Variants in TSGA13 observed in about 807,000 individuals in gnomAD.
TSGA13 encodes the protein testis specific 13.
In TSGA13, 37 loss-of-function variants were observed where a neutral mutation model predicts 35.1. The ratio of observed to expected loss-of-function variants is 1.05; its 90% confidence interval spans 0.81 to 1.39. The LOEUF (loss-of-function observed/expected upper bound fraction) is 1.39, where lower values mean the gene tolerates loss of function less well. TSGA13 is among the 40% of genes most tolerant of loss of function. TSGA13 has a pLI of 0.00. For missense variants in TSGA13, 338 were observed against 328.5 expected (o/e 1.03, Z -0.22); for synonymous variants, 124 against 121.2 (o/e 1.02, Z -0.15).
rs930326730 is a variant in TSGA13, at chr7:130,668,830, C to T, written c.*184G>A. 11 of 1,280,932 alleles carry T rather than the reference C, an allele frequency of 8.6e-6. No homozygotes were observed. The highest frequency in any genetic ancestry group is 6.3e-5 in the African/African-American group (4 of 63,640). 79.3% of individuals were successfully genotyped at this position (1,280,932 alleles called of 1,614,324 possible). A position where few individuals can be genotyped will look rare whatever the true frequency, so the allele number is the denominator to read the frequency against. On this transcript the variant is annotated 3_prime_UTR_variant, in exon 8 of 8. Transcript: ENST00000356588. ...CCCGCCCTCCCCGGCCGCCCTCGGC[C>T]CCCGGGACGCAGCCACGCCCCCTTC...
At chr7:130,677,925 C>A (rs1796451000) in intron 5 of TSGA13, among the ~76,000 whole-genome samples, 1 of 152,202 alleles carries the variant, frequency 6.6e-6, no homozygotes, top group Non-Finnish European at 1.5e-5. Context: ...TAACATACCT[C>A]ATTTATTGAT....
intron 3 of TSGA13, among the ~76,000 whole-genome samples, chr7:130,682,004 A>G (rs1415109038): frequency 1.3e-5 from 2 of 151,842 alleles, no homozygotes; most frequent in Admixed American, 1.3e-4. Flanking sequence ...CATTGGTGCA[A>G]TCATAGGTCC....
At chr7:130,673,102 C>G (rs1345868952) in intron 5 of TSGA13, among the ~76,000 whole-genome samples, 1 of 152,202 alleles carries the variant, frequency 6.6e-6, no homozygotes, top group Non-Finnish European at 1.5e-5. Context: ...TGTTCAGTTT[C>G]CTAAGTAATT....
intron 4 of TSGA13, 136 bp downstream of exon 4, chr7:130,680,810 G>C (rs1796526697): frequency 1.3e-6 from 1 of 766,542 alleles, no homozygotes; most frequent in Non-Finnish European, 2.1e-6. Flanking sequence ...AGGCAGCTCT[G>C]CCTGCCTGTC....
chr7:130,674,497 A>G lies in TSGA13; in HGVS notation c.388-1621T>C, dbSNP rs116998793. ...AGCCTTCTTAACTACACTATCTAAC[A>G]TTGCCACTCACATCCATCACATTCC... is the stretch of plus-strand genomic sequence containing the variant. On this transcript the variant is annotated intron_variant, in intron 5 of 7. Coordinates refer to ENST00000356588, the MANE Select transcript of TSGA13 (RefSeq NM_052933.4). 4.3e-3 allele frequency among the ~76,000 whole-genome samples: 650 copies of G among 152,092 alleles called. 2 individuals are homozygous for G. The highest frequency in any genetic ancestry group is 6.7e-3 in the Non-Finnish European group (457 of 68,004).
chr7:130,669,169 C>T lies in TSGA13; in HGVS notation c.673G>A (p.Ala225Thr). 1 of 1,614,216 alleles carries T rather than the reference C, an allele frequency of 6.2e-7. No homozygotes were observed. Among genetic ancestry groups the T allele is most frequent in the African/African-American group, 1.3e-5 (1 of 75,054 alleles). Residue 225 changes from alanine (A) to threonine (T), a missense_variant, in exon 8 of 8, where the codon GCG becomes ACG. Physicochemically the swap from Ala to Thr is moderately conservative, Grantham distance 58 (BLOSUM62 0). Transcript: ENST00000356588. The part of the protein sequence containing the change: ...DMRKDASKKS[A>T]SERPISKVIR... Reference sequence around the variant, plus strand: ...ACTTTGGAAATTGGCCTTTCACTCGCTGACTTCTTGGAAGCTACGACAAAG... The same window carrying T: ...ACTTTGGAAATTGGCCTTTCACTCGTTGACTTCTTGGAAGCTACGACAAAG...
intron 2 of TSGA13, among the ~76,000 whole-genome samples, 173 bp downstream of exon 2, chr7:130,685,015 A>T (rs1487212521): frequency 4.6e-4 from 70 of 152,122 alleles, no homozygotes; most frequent in African/African-American, 1.6e-3. Flanking sequence ...TGACAAAAGC[A>T]ACCATGAAAT....
chr7:130,681,405 T>A (rs1796541936), intron 3 of TSGA13, among the ~76,000 whole-genome samples: 1 of 152,148 alleles, frequency 6.6e-6, no homozygotes, highest in African/African-American at 2.4e-5. Context: ...AAAATCAACA[T>A]GCAGGACAAA....
rs540983470 is a variant in TSGA13, at chr7:130,680,216, G to A, written c.174+730C>T. On this transcript the variant is annotated intron_variant, in intron 4 of 7. Coordinates refer to ENST00000356588, the MANE Select transcript of TSGA13 (RefSeq NM_052933.4). ...CACTCACAAGCACAATGTTAAAAAA[G>A]GAAAAGCAGGCCAGGTGCGGTGGCT... 6.6e-5 allele frequency among the ~76,000 whole-genome samples: 10 copies of A among 152,252 alleles called. No homozygotes were observed. The South Asian group carries it at 1.2e-3, about 19-fold the overall frequency.
chr7:130,674,652 C>T (rs1324372674), intron 5 of TSGA13, among the ~76,000 whole-genome samples: 1 of 152,188 alleles, frequency 6.6e-6, no homozygotes, highest in Non-Finnish European at 1.5e-5. Context: ...TAATATATCC[C>T]TAGCACCCGT....
intron 5 of TSGA13, among the ~76,000 whole-genome samples, chr7:130,678,207 T>G (rs1392155873): frequency 2.6e-5 from 4 of 152,066 alleles, no homozygotes; most frequent in Admixed American, 2.6e-4. Context: ...TGAAACCCCG[T>G]CTCTACTAAA....
chr7:130,672,179 C>T (rs1169089468), intron 6 of TSGA13, among the ~76,000 whole-genome samples: 4 of 152,108 alleles, frequency 2.6e-5, no homozygotes, highest in African/African-American at 7.2e-5. Flanking sequence ...CATGAGACAC[C>T]GCGCCCAGCC....
At chr7:130,680,890 G>A (rs1554464972) in intron 4 of TSGA13, 56 bp downstream of exon 4, 15 of 1,511,842 alleles carry the variant, frequency 9.9e-6, no homozygotes, top group Non-Finnish European at 1.3e-5. Flanking sequence ...GTGGGCATCT[G>A]CACCACTGCT....
At chr7:130,687,375 A>G (rs1472841499), upstream of TSGA13, 1 of 152,206 alleles carries the variant, frequency 6.6e-6, no homozygotes, top group Non-Finnish European at 1.5e-5. Context: ...TAAAAGTGGA[A>G]ATGTAAATTT....
chr7:130,671,660 C>T lies in TSGA13; in HGVS notation c.658+1G>A. The T allele has an allele frequency of 6.4e-7, 1 of 1,567,382 alleles. No homozygotes were observed. The highest frequency in any genetic ancestry group is 8.7e-7 in the Non-Finnish European group (1 of 1,151,800). On this transcript the variant is annotated splice_donor_variant, in intron 7 of 7. Transcript: ENST00000356588. LOFTEE classifies it high-confidence loss of function. ...CTTTGCTTTGAAAGAGAGGAGCTTA[C>T]CATCTTTCCTCATATCTCTCTCATG... is the stretch of plus-strand genomic sequence containing the variant.
chr7:130,679,309 C>G lies in TSGA13; in HGVS notation c.233G>C (p.Arg78Thr). ...TALQKFLAQNRKNTSFMLKVT... is the reference protein window; with the variant it reads ...TALQKFLAQNTKNTSFMLKVT... The stretch of plus-strand genomic sequence containing the variant: ...TTTTAACATGAAGCTGGTGTTTTTC[C>G]TGTTTTGAGCCAGGAATTTCTGCAG... Residue 78 changes from arginine (R) to threonine (T), a missense_variant, in exon 5 of 8, where the codon AGG becomes ACG. Transcript: ENST00000356588. 10 of 1,614,086 alleles carry G rather than the reference C, an allele frequency of 6.2e-6. No homozygotes were observed. The highest frequency in any genetic ancestry group is 7.6e-6 in the Non-Finnish European group (9 of 1,180,010).
chr7:130,678,108 A>G (rs892013065), intron 5 of TSGA13, among the ~76,000 whole-genome samples: 26 of 152,030 alleles, frequency 1.7e-4, no homozygotes, highest in African/African-American at 4.8e-4. Context: ...GCCGGGCGCG[A>G]TGGCTCACGC....
At chr7:130,683,816 GC>G (rs1420216835) in intron 2 of TSGA13, 144 bp from the exon 3 acceptor site, 2 of 635,152 alleles carry the variant, frequency 3.1e-6, no homozygotes, top group Non-Finnish European at 5.4e-6. Flanking sequence ...TGACTAAGTA[GC>G]AAAAAAATCA....
At chr7:130,681,957 A>C (rs557591054) in intron 3 of TSGA13, among the ~76,000 whole-genome samples, 6 of 151,606 alleles carry the variant, frequency 4.0e-5, no homozygotes, top group Non-Finnish European at 7.4e-5. Context: ...TTTTTCTTTT[A>C]AATACAGGGT....
Sources: allele counts gnomAD v4.1 joint callset (sites outside exome capture counted in the v4.1 genomes callset), GRCh38; gene constraint gnomAD v4.1.1; transcripts MANE v1.5; gene names NCBI Gene and HGNC (gene_info 2026-07-23, HGNC 2026-07-21).